The following PHF2 variants were observed in gnomAD, a reference collection of about 807,000 sequenced individuals.
PHF2 encodes the protein PHD finger protein 2, also known as lysine-specific demethylase PHF2.
A neutral mutation model predicts 120.5 loss-of-function variants in PHF2; 27 were observed. The observed-to-expected ratio is 0.22, with a 90% confidence interval of 0.17 to 0.31. The LOEUF (loss-of-function observed/expected upper bound fraction) is 0.31, where lower values mean the gene tolerates loss of function less well. Among genes scored for constraint, PHF2 ranks in the 10% least tolerant of loss-of-function variants. PHF2 has a pLI of 1.00. For missense variants in PHF2, 1,024 were observed against 1,434.8 expected, an observed-to-expected ratio of 0.71 and a Z score of 4.63; for synonymous variants, 568 against 592.5, an observed-to-expected ratio of 0.96 and a Z score of 0.60.
intron 10 of PHF2, among the ~76,000 whole-genome samples, chr9:93,658,661 G>T (rs1018432998): frequency 6.6e-6 from 1 of 151,450 alleles, no homozygotes; most frequent in East Asian, 1.9e-4. Context: ...GGGAAGGACT[G>T]GGGGAGTGGC....
intron 2 of PHF2, among the ~76,000 whole-genome samples, chr9:93,633,529 A>G (rs940449183): frequency 6.6e-6 from 1 of 151,688 alleles, no homozygotes; most frequent in Non-Finnish European, 1.5e-5. Context: ...GTGTTGTCAC[A>G]GGGGCGCTGT....
intron 1 of PHF2, among the ~76,000 whole-genome samples, chr9:93,596,139 TG>T (rs991891714): frequency 1.3e-5 from 2 of 151,840 alleles, no homozygotes; most frequent in Non-Finnish European, 2.9e-5. Context: ...CCGCATGGAG[TG>T]GGGGCTGTCC....
intron 1 of PHF2, among the ~76,000 whole-genome samples, chr9:93,621,109 A>G (rs4744261): frequency 0.98 from 149,225 of 152,328 alleles, 73,114 homozygotes; most frequent in East Asian, 1. Context: ...TTGGAGCAGC[A>G]ATGCAGATGT....
intron 1 of PHF2, 84 bp from the exon 2 acceptor site, chr9:93,629,886 G>A: frequency 7.5e-7 from 1 of 1,327,626 alleles, no homozygotes. Flanking sequence ...CAATGAGCAG[G>A]GATTCTCCCT....
rs140197509 is a variant in PHF2, at chr9:93,626,936, A to G, written c.99-3034A>G. 1.8e-4 allele frequency among the ~76,000 whole-genome samples: 28 copies of G among 152,338 alleles called. No homozygotes were observed. In the East Asian group the frequency reaches 3.5e-3, roughly 19 times the overall value. Reference sequence around the variant, plus strand: ...GGTTTTAGTTCTATTCCATTGATCTATATGTCTATCCTTATGCCAGTGCCA... The same window carrying G: ...GGTTTTAGTTCTATTCCATTGATCTGTATGTCTATCCTTATGCCAGTGCCA... On this transcript the variant is annotated intron_variant, in intron 1 of 21. Transcript: ENST00000359246.
chr9:93,676,681 GCCGGCACCACCTCCA>G lies in PHF2; in HGVS notation c.2923_2937del (p.Gly975_Thr979del). The G allele has an allele frequency of 6.3e-7, 1 of 1,578,056 alleles. No individual in the cohort carries two copies. The highest frequency in any genetic ancestry group is 8.6e-7 in the Non-Finnish European group (1 of 1,162,014). ...CCCTTCCACCTCCACCTCCATCTCT[GCCGGCACCACCTCCA>G]CCTCCACCACGCCAGCCTCTACCAC... On this transcript the variant is annotated inframe_deletion, in exon 21 of 22. Transcript: ENST00000359246.
At chr9:93,661,419 A>C (rs755531981) in intron 12 of PHF2, among the ~76,000 whole-genome samples, 2 of 152,228 alleles carry the variant, frequency 1.3e-5, no homozygotes, top group Non-Finnish European at 2.9e-5. Flanking sequence ...GAATGAATGA[A>C]TAGGTGGATG....
chr9:93,671,682 A>G (rs1398424334), intron 17 of PHF2, among the ~76,000 whole-genome samples: 2 of 138,914 alleles, frequency 1.4e-5, no homozygotes, highest in African/African-American at 5.3e-5. Flanking sequence ...ACAGGTGTAG[A>G]TGCAGGTGTG....
At chr9:93,631,081 T>C (rs1825994495) in intron 2 of PHF2, among the ~76,000 whole-genome samples, 1 of 152,080 alleles carries the variant, frequency 6.6e-6, no homozygotes, top group Admixed American at 6.5e-5. Flanking sequence ...ATGAGTCCTA[T>C]GGAATCAGTA....
chr9:93,584,334 A>G (rs1174512930), intron 1 of PHF2, among the ~76,000 whole-genome samples: 1 of 152,162 alleles, frequency 6.6e-6, no homozygotes, highest in Non-Finnish European at 1.5e-5. Flanking sequence ...GATTATAATT[A>G]CAGGTTTACT....
At chr9:93,585,173 T>C (rs376178764) in intron 1 of PHF2, among the ~76,000 whole-genome samples, 1 of 152,252 alleles carries the variant, frequency 6.6e-6, no homozygotes, top group South Asian at 2.1e-4. Flanking sequence ...GTGTGCCCAG[T>C]GCATGCCTGC....
intron 1 of PHF2, among the ~76,000 whole-genome samples, chr9:93,577,170 T>C (rs1862837670): frequency 6.7e-6 from 1 of 149,120 alleles, no homozygotes; most frequent in Non-Finnish European, 1.5e-5. Flanking sequence ...AAGTTGGGGC[T>C]CCAGGCCCGG....
At chr9:93,590,007 C>G (rs1023189298) in intron 1 of PHF2, among the ~76,000 whole-genome samples, 8 of 152,236 alleles carry the variant, frequency 5.3e-5, no homozygotes, top group African/African-American at 1.7e-4. Context: ...TGCGGTGTTG[C>G]TCCCTGGCTA....
chr9:93,610,702 T>C (rs2131626758), intron 1 of PHF2, among the ~76,000 whole-genome samples: 1 of 152,364 alleles, frequency 6.6e-6, no homozygotes, highest in South Asian at 2.1e-4. Flanking sequence ...ACAAAAAGAC[T>C]GTTCCCTTAT....
rs770396036 is a variant in PHF2, at chr9:93,653,330, T to C, written c.754T>C (p.Ser252Pro). ...KDSYTDFHIDSGGASAWYHVL... is the reference protein window; with the variant it reads ...KDSYTDFHIDPGGASAWYHVL... ...CAGTTACACCGACTTCCACATCGAC[T>C]CTGGGGGCGCCTCTGCCTGGTACCA... Residue 252 changes from serine to proline, a missense_variant, in exon 6 of 22, where the codon TCT becomes CCT. Around this residue, in one of 2 missense-constraint regions of PHF2, gnomAD observed 347 missense variants for 577.4 expected, o/e 0.60. Coordinates refer to ENST00000359246, the MANE Select transcript of PHF2 (RefSeq NM_005392.4). 18 of 1,613,826 alleles carry C rather than the reference T, an allele frequency of 1.1e-5. No individual in the cohort carries two copies. The highest frequency in any genetic ancestry group is 1.4e-5 in the Non-Finnish European group (17 of 1,180,020).
At chr9:93,610,357 T>A (rs1232830969) in intron 1 of PHF2, among the ~76,000 whole-genome samples, 12 of 152,218 alleles carry the variant, frequency 7.9e-5, no homozygotes, top group Non-Finnish European at 2.9e-5. Context: ...GGCTCTCTGA[T>A]TCTTTCCTTG....
At chr9:93,580,081 C>T (rs1010010844) in intron 1 of PHF2, among the ~76,000 whole-genome samples, 2 of 152,214 alleles carry the variant, frequency 1.3e-5, no homozygotes, top group Non-Finnish European at 2.9e-5. Flanking sequence ...AACAGGCCCT[C>T]CTTTGAAGCC....
At chr9:93,627,491 G>GTTTTTTTTTTTTTTTTTTTTTTTTTTTT (rs1186546705) in intron 1 of PHF2, among the ~76,000 whole-genome samples, 2 of 41,076 alleles carry the variant, frequency 4.9e-5, no homozygotes, top group African/African-American at 1.8e-4. Flanking sequence ...TTTATTTCAG[G>GTTTTTTTTTTTTTTTTTTTTTTTTTTTT]ATTTTTTTTT....
chr9:93,603,184 A>G (rs1825476996), intron 1 of PHF2, among the ~76,000 whole-genome samples: 2 of 152,090 alleles, frequency 1.3e-5, no homozygotes, highest in South Asian at 2.1e-4. Flanking sequence ...TCAGTAGGCT[A>G]TGTGGACAGG....
Sources: allele counts gnomAD v4.1 joint callset (sites outside exome capture counted in the v4.1 genomes callset), GRCh38; gene constraint gnomAD v4.1.1; regional missense constraint gnomAD v4.1.1; transcripts MANE v1.5; gene names NCBI Gene and HGNC (gene_info 2026-07-23, HGNC 2026-07-21).